VPS13B: variants seen among roughly 807,000 people sequenced by gnomAD.
The protein encoded by VPS13B is intermembrane lipid transfer protein VPS13B.
A neutral mutation model predicts 426.4 loss-of-function variants in VPS13B; 285 were observed. The observed-to-expected ratio is 0.67, with a 90% confidence interval of 0.61 to 0.74. The LOEUF is 0.74. Among genes scored for constraint, VPS13B ranks in the 30% least tolerant of loss-of-function variants. The pLI is 0.00. For synonymous variants in VPS13B, 1,676 were observed against 1,676.4 expected, an observed-to-expected ratio of 1.00 and a Z score of 0.01; for missense variants, 4,537 against 4,782.6, an observed-to-expected ratio of 0.95 and a Z score of 1.51.
chr8:99,090,556 G>A (rs963747559), intron 3 of VPS13B, among the ~76,000 whole-genome samples: 1 of 152,114 alleles, frequency 6.6e-6, no homozygotes, highest in African/African-American at 2.4e-5. Flanking sequence ...GAGCCACCAT[G>A]CCTGGCCTGA....
chr8:99,566,527 G>A (rs1052289503), intron 31 of VPS13B, among the ~76,000 whole-genome samples: 2 of 151,428 alleles, frequency 1.3e-5, no homozygotes, highest in Non-Finnish European at 2.9e-5. Flanking sequence ...TGCAGTCTCC[G>A]CCTCCTGGGT....
intron 19 of VPS13B, among the ~76,000 whole-genome samples, chr8:99,287,642 A>G (rs1266223213): frequency 6.6e-6 from 1 of 152,042 alleles, no homozygotes; most frequent in African/African-American, 2.4e-5. Context: ...TAGATAAATA[A>G]TAAAAATGCA....
At chr8:99,739,598 C>CAGACTGACACCTCAGA (rs1809578765) in intron 39 of VPS13B, among the ~76,000 whole-genome samples, 1 of 152,236 alleles carries the variant, frequency 6.6e-6, no homozygotes, top group African/African-American at 2.4e-5. Flanking sequence ...ACACCTCACA[C>CAGACTGACACCTCAGA]GGCCAGGTAC....
At chr8:99,178,029 A>AT (rs956979917) in intron 16 of VPS13B, among the ~76,000 whole-genome samples, 17 of 135,264 alleles carry the variant, frequency 1.3e-4, no homozygotes, top group Non-Finnish European at 2.4e-4. Context: ...TTGTTAATGT[A>AT]TTTTTTTTTA....
intron 2 of VPS13B, among the ~76,000 whole-genome samples, chr8:99,026,537 G>C (rs1278370539): frequency 6.6e-6 from 1 of 152,158 alleles, no homozygotes; most frequent in Non-Finnish European, 1.5e-5. Context: ...TGCTATGAGT[G>C]GGGTGTTCAA....
intron 16 of VPS13B, among the ~76,000 whole-genome samples, chr8:99,192,484 T>A (rs1813657927): frequency 6.6e-6 from 1 of 152,106 alleles, no homozygotes; most frequent in Non-Finnish European, 1.5e-5. Context: ...CCTCATAGAG[T>A]TATTATGGAA....
chr8:99,443,511 G>A (rs151255913), intron 23 of VPS13B, among the ~76,000 whole-genome samples: 49 of 152,052 alleles, frequency 3.2e-4, no homozygotes, highest in Middle Eastern at 3.4e-3. Context: ...GACATTTTTG[G>A]TCCTTAATAA....
At chr8:99,340,582 C>A in intron 19 of VPS13B, 1 of 456,032 alleles carries the variant, frequency 2.2e-6, no homozygotes, top group Non-Finnish European at 4.3e-6. Context: ...GCACAAGCTT[C>A]CACGAGAGGA....
intron 21 of VPS13B, 118 bp from the exon 22 acceptor site, chr8:99,431,417 ATC>A: frequency 7.9e-7 from 1 of 1,268,216 alleles, no homozygotes; most frequent in Non-Finnish European, 1.1e-6. Flanking sequence ...ACAATTCATA[ATC>A]TCATATAAAA....
rs1847349927 is a variant in VPS13B, at chr8:99,111,262, A to T, written c.745A>T (p.Met249Leu). Residue 249 changes from methionine to leucine, a missense_variant, in exon 6 of 62, where the codon ATG becomes TTG. Transcript: ENST00000357162. Reference sequence around the variant, plus strand: ...TACATATGAAAACCTAAATTCCAAGATGCCATCTGTTATTAAAGTAGGTAT... The same window carrying T: ...TACATATGAAAACCTAAATTCCAAGTTGCCATCTGTTATTAAAGTAGGTAT... ...HFTYENLNSK[M>L]PSVIKIHTLV... 1 of 1,601,978 alleles carries T rather than the reference A, an allele frequency of 6.2e-7. No individual in the cohort carries two copies. Among genetic ancestry groups the T allele is most frequent in the African/African-American group, 1.3e-5 (1 of 74,566 alleles).
intron 13 of VPS13B, 49 bp downstream of exon 13, chr8:99,143,214 A>T: frequency 6.2e-7 from 1 of 1,609,176 alleles, no homozygotes; most frequent in Admixed American, 1.7e-5. Flanking sequence ...TTTTGAGAAT[A>T]ATTATATAAT....
intron 33 of VPS13B, among the ~76,000 whole-genome samples, chr8:99,605,815 T>A (rs546214434): frequency 6.6e-6 from 1 of 152,306 alleles, no homozygotes; most frequent in South Asian, 2.1e-4. Flanking sequence ...CAAATTATAA[T>A]TACAAAATTA....
At chr8:99,617,408 A>G (rs1337260793) in intron 33 of VPS13B, among the ~76,000 whole-genome samples, 2 of 152,162 alleles carry the variant, frequency 1.3e-5, no homozygotes, top group Non-Finnish European at 2.9e-5. Context: ...GGCTCACTGC[A>G]ACCTCTGTCT....
chr8:99,378,918 T>G (rs1177812270), intron 19 of VPS13B, among the ~76,000 whole-genome samples: 1 of 152,154 alleles, frequency 6.6e-6, no homozygotes, highest in Non-Finnish European at 1.5e-5. Context: ...TTTTCTCATG[T>G]CTAGAGCTAA....
At chr8:99,765,225 A>T (rs898354634) in intron 39 of VPS13B, among the ~76,000 whole-genome samples, 13 of 152,232 alleles carry the variant, frequency 8.5e-5, no homozygotes, top group African/African-American at 2.9e-4. Context: ...AGCCTGGGTG[A>T]AAAAGCAAAA....
intron 50 of VPS13B, 93 bp downstream of exon 50, chr8:99,821,575 T>G: frequency 7.2e-7 from 1 of 1,397,258 alleles, no homozygotes; most frequent in East Asian, 2.3e-5. Flanking sequence ...TGATACCTTT[T>G]TCATATTACT....
chr8:99,112,295 G>A, intron 6 of VPS13B, among the ~76,000 whole-genome samples: 1 of 152,154 alleles, frequency 6.6e-6, no homozygotes, highest in Non-Finnish European at 1.5e-5. Flanking sequence ...GTAGATGGAA[G>A]GGCTGGACTT....
At chr8:99,467,263 G>A in intron 23 of VPS13B, 151 bp from the exon 24 acceptor site, 1 of 785,592 alleles carries the variant, frequency 1.3e-6, no homozygotes, top group South Asian at 1.5e-5. Flanking sequence ...CATGTAAATT[G>A]TTTAGCACCG....
chr8:99,760,601 T>C (rs1810881425), intron 39 of VPS13B, among the ~76,000 whole-genome samples: 2 of 152,208 alleles, frequency 1.3e-5, no homozygotes, highest in Non-Finnish European at 2.9e-5. Context: ...CTACATGCTT[T>C]TAAAAGTAAA....
Sources: allele counts gnomAD v4.1 joint callset (sites outside exome capture counted in the v4.1 genomes callset), GRCh38; gene constraint gnomAD v4.1.1; transcripts MANE v1.5; gene names NCBI Gene and HGNC (gene_info 2026-07-23, HGNC 2026-07-21).